The following CYP46A1 variants were observed in gnomAD, a reference collection of about 807,000 sequenced individuals.
CYP46A1 encodes cytochrome P450 family 46 subfamily A member 1.
CYP46A1 carries 20 observed loss-of-function variants against 63.3 expected under a neutral mutation model. The ratio of observed to expected loss-of-function variants is 0.32; its 90% confidence interval spans 0.22 to 0.46. The LOEUF is 0.46. CYP46A1 is among the 20% of genes least tolerant of loss of function. CYP46A1 has a pLI of 1.00. For missense variants in CYP46A1, 445 were observed against 670.8 expected (o/e 0.66, Z 3.72); for synonymous variants, 268 against 273.6 (o/e 0.98, Z 0.20).
In CYP46A1 at chr14:99,721,471, G is replaced by T. The variant is rs1288916704; in HGVS notation, c.1065+148G>T. The T allele has an allele frequency of 2.9e-5, 19 of 650,916 alleles. No individual in the cohort carries two copies. The East Asian group carries it at 4.9e-4, about 17-fold the overall frequency. The allele number at this position is 650,916 out of a possible 1,614,324, so 40.3% of individuals were successfully genotyped here. On this transcript the variant is annotated intron_variant, in intron 11 of 14. Coordinates refer to ENST00000261835, the MANE Select transcript of CYP46A1 (RefSeq NM_006668.2). ...AAGATTTAAAGTATCCTGAGGCCCA[G>T]GCTGCCCCAGACTAATGACATCAGA... is the stretch of plus-strand genomic sequence containing the variant.
Position 99,726,797 on chromosome 14 carries a change from A to G in CYP46A1, c.*70A>G. 1.6e-6 allele frequency: 2 copies of G among 1,264,868 alleles called. No individual in the cohort carries two copies. Among genetic ancestry groups the G allele is most frequent in the Non-Finnish European group, 2.1e-6 (2 of 956,994 alleles). The allele number at this position is 1,264,868 out of a possible 1,614,324, so 78.4% of individuals were successfully genotyped here. On this transcript the variant is annotated 3_prime_UTR_variant, in exon 15 of 15. Transcript: ENST00000261835. ...CCGCCCACCTCTGCTGCCCACGGCC[A>G]CCCACCCTTCTCCCCTGCCCCGTCC... is the stretch of plus-strand genomic sequence containing the variant.
intron 5 of CYP46A1, chr14:99,706,294 A>C: frequency 1.1e-5 from 2 of 186,074 alleles, no homozygotes; most frequent in Non-Finnish European, 2.2e-5. Context: ...CAGGAGGGGA[A>C]CCGGGATTGC....
intron 1 of CYP46A1, among the ~76,000 whole-genome samples, chr14:99,689,987 C>T (rs1057123842): frequency 5.9e-5 from 9 of 152,332 alleles, no homozygotes; most frequent in African/African-American, 2.2e-4. Context: ...GGTGACCCAC[C>T]TTGTACTCTG....
intron 14 of CYP46A1, 113 bp from the exon 15 acceptor site, chr14:99,726,444 A>G: frequency 8.3e-7 from 1 of 1,207,624 alleles, no homozygotes; most frequent in African/African-American, 1.5e-5. Context: ...GAGGCTCCCC[A>G]GGCTCTCACA....
intron 4 of CYP46A1, 51 bp downstream of exon 4, chr14:99,699,590 G>T: frequency 6.3e-7 from 1 of 1,583,158 alleles, no homozygotes; most frequent in Non-Finnish European, 8.7e-7. Context: ...GAGCCCTGCT[G>T]TGAGTGAGGG....
At chr14:99,707,951 G>C (rs1308966396) in intron 7 of CYP46A1, 2 of 391,852 alleles carry the variant, frequency 5.1e-6, no homozygotes, top group Non-Finnish European at 9.3e-6. Flanking sequence ...GCTCCATGGT[G>C]TCAGATTTTC....
intron 9 of CYP46A1, 54 bp downstream of exon 9, chr14:99,716,253 A>C (rs904232136): frequency 1.6e-5 from 26 of 1,583,838 alleles, no homozygotes; most frequent in African/African-American, 1.3e-5. Flanking sequence ...AATGCTGTGG[A>C]CCATGGATCC....
In CYP46A1 at chr14:99,726,922, C is replaced by G; in HGVS notation, c.*195C>G. ...GTCGCCTGCGGACTCCATGGCCCTT[C>G]CTGGACTGGCCCTTGCCCAACTCCC... On this transcript the variant is annotated 3_prime_UTR_variant, in exon 15 of 15. Transcript: ENST00000261835. 2.2e-6 allele frequency: 1 copy of G among 458,948 alleles called. No homozygotes were observed. Among genetic ancestry groups the G allele is most frequent in the East Asian group, 3.4e-5 (1 of 29,122 alleles). 28.4% of individuals were successfully genotyped at this position (458,948 alleles called of 1,614,324 possible).
At chr14:99,721,371 T>A in intron 11 of CYP46A1, 48 bp downstream of exon 11, 1 of 1,268,814 alleles carries the variant, frequency 7.9e-7, no homozygotes, top group East Asian at 2.3e-5. Context: ...GGTGATCATG[T>A]CATCATGCCT....
At chr14:99,701,146 A>T (rs2056627401) in intron 5 of CYP46A1, among the ~76,000 whole-genome samples, 2 of 152,246 alleles carry the variant, frequency 1.3e-5, no homozygotes. Flanking sequence ...AAAAAATGAG[A>T]AGTTTATAAA....
At chr14:99,694,386 T>TC (rs1396504372) in intron 3 of CYP46A1, among the ~76,000 whole-genome samples, 1 of 151,112 alleles carries the variant, frequency 6.6e-6, no homozygotes, top group Non-Finnish European at 1.5e-5. Context: ...TTTTTTTTTT[T>TC]CTTGATCAGT....
At chr14:99,716,284 A>G in intron 9 of CYP46A1, 85 bp downstream of exon 9, 1 of 1,478,156 alleles carries the variant, frequency 6.8e-7, no homozygotes, top group African/African-American at 1.4e-5. Flanking sequence ...ACTCTTTGGG[A>G]TTTTTTGGGC....
chr14:99,714,760 CAAAA>C (rs35534717), intron 7 of CYP46A1, among the ~76,000 whole-genome samples: 27 of 102,188 alleles, frequency 2.6e-4, no homozygotes, highest in Admixed American at 9.9e-5. Context: ...AACCCCATCT[CAAAA>C]AAAAAAAAAA....
chr14:99,700,606 CAT>C (rs1320631122), intron 5 of CYP46A1, among the ~76,000 whole-genome samples: 1 of 152,226 alleles, frequency 6.6e-6, no homozygotes, highest in Non-Finnish European at 1.5e-5. Context: ...GTGTTACTCA[CAT>C]GTTTGTGGTG....
At chr14:99,700,186 A>G (rs1013844758) in intron 5 of CYP46A1, 85 bp downstream of exon 5, 1 of 1,065,282 alleles carries the variant, frequency 9.4e-7, no homozygotes, top group Non-Finnish European at 1.3e-6. Context: ...TGGGGAGGGA[A>G]GTGTCCACCC....
chr14:99,717,820 A>G (rs2056805026), intron 9 of CYP46A1: 1 of 478,028 alleles, frequency 2.1e-6, no homozygotes, highest in Non-Finnish European at 3.7e-6. Flanking sequence ...CTGCTGTGTG[A>G]CCACAGAGAC....
intron 3 of CYP46A1, among the ~76,000 whole-genome samples, chr14:99,694,364 G>C (rs1394907472): frequency 7.7e-6 from 1 of 129,914 alleles, no homozygotes; most frequent in Non-Finnish European, 1.6e-5. Flanking sequence ...GTAGTAATTT[G>C]GGTTTTCTTT....
At chr14:99,724,092 A>G (rs1352503272) in intron 12 of CYP46A1, among the ~76,000 whole-genome samples, 1 of 152,106 alleles carries the variant, frequency 6.6e-6, no homozygotes, top group Non-Finnish European at 1.5e-5. Context: ...CTGTGTCCTA[A>G]TCTCCTCTTA....
At position 99,726,904 on chromosome 14, in the gene CYP46A1, G is replaced by A; in HGVS notation, c.*177G>A. The stretch of plus-strand genomic sequence containing the variant: ...CACCCCTCAGCGCTCCCTGTCGCCT[G>A]CGGACTCCATGGCCCTTCCTGGACT... On this transcript the variant is annotated 3_prime_UTR_variant, in exon 15 of 15. Transcript: ENST00000261835. The A allele has an allele frequency of 4.0e-6, 2 of 504,104 alleles. No homozygotes were observed. The highest frequency in any genetic ancestry group is 4.0e-5 in the South Asian group (1 of 25,156). 31.2% of individuals were successfully genotyped at this position (504,104 alleles called of 1,614,324 possible). A position where few individuals can be genotyped will look rare whatever the true frequency, so the allele number is the denominator to read the frequency against.
Sources: allele counts gnomAD v4.1 joint callset (sites outside exome capture counted in the v4.1 genomes callset), GRCh38; gene constraint gnomAD v4.1.1; transcripts MANE v1.5; gene names NCBI Gene and HGNC (gene_info 2026-07-23, HGNC 2026-07-21).